IL18RAP: variants seen among roughly 807,000 people sequenced by gnomAD.
IL18RAP encodes interleukin-18 receptor accessory protein.
IL18RAP carries 37 observed loss-of-function variants against 58.1 expected under a neutral mutation model. The observed-to-expected ratio is 0.64, with a 90% CI of 0.49 to 0.84. IL18RAP has a LOEUF of 0.84. Among genes scored for constraint, IL18RAP ranks in the 40% least tolerant of loss-of-function variants. IL18RAP has a pLI of 0.00. For missense variants in IL18RAP, 667 were observed against 704.8 expected (o/e 0.95, Z 0.61); for synonymous variants, 268 against 257.5 (o/e 1.04, Z -0.39).
rs1321453366 is a variant in IL18RAP at position 102,447,170 on chromosome 2, G to C, written c.1173G>C (p.Leu391=). ...GGCACTGGATTGAAATAGTGCTGCT[G>C]TACCGGACCTACCAGAGCAAGGATC... The part of the protein sequence containing the change: ...LYRHWIEIVL[L]YRTYQSKDQT... The change falls in exon 8 of 10, where the codon CTG becomes CTC. Residue 391 remains leucine (L), a synonymous_variant. Coordinates refer to ENST00000687160, the MANE Select transcript of IL18RAP (RefSeq NM_001393487.1). 6.2e-7 allele frequency: 1 copy of C among 1,614,152 alleles called. No individual in the cohort carries two copies. Among genetic ancestry groups the C allele is most frequent in the African/African-American group, 1.3e-5 (1 of 75,050 alleles).
chr2:102,448,290 C>T (rs1386129629), intron 8 of IL18RAP, among the ~76,000 whole-genome samples: 1 of 152,180 alleles, frequency 6.6e-6, no homozygotes, highest in East Asian at 1.9e-4. Flanking sequence ...CTCAGTTAGC[C>T]TCATCTGTAA....
chr2:102,443,732 T>G (rs1683246942), intron 6 of IL18RAP, among the ~76,000 whole-genome samples: 1 of 151,950 alleles, frequency 6.6e-6, no homozygotes, highest in East Asian at 1.9e-4. Flanking sequence ...CCAGGGGAAA[T>G]GGCATCATAA....
At chr2:102,444,913 T>C (rs975241292) in intron 6 of IL18RAP, among the ~76,000 whole-genome samples, 2 of 152,188 alleles carry the variant, frequency 1.3e-5, no homozygotes, top group Non-Finnish European at 2.9e-5. Flanking sequence ...TCTTAAGGTA[T>C]TGTTATTATC....
At chr2:102,426,000 C>A (rs748267743) in intron 3 of IL18RAP, among the ~76,000 whole-genome samples, 1 of 152,078 alleles carries the variant, frequency 6.6e-6, no homozygotes, top group Non-Finnish European at 1.5e-5. Flanking sequence ...GAAAATTGTA[C>A]CTCTGATACA....
chr2:102,428,495 C>T (rs180855144), intron 3 of IL18RAP, among the ~76,000 whole-genome samples: 1 of 150,880 alleles, frequency 6.6e-6, no homozygotes, highest in Non-Finnish European at 1.5e-5. Context: ...ACTTAATTTC[C>T]TTTTCTGCAG....
At position 102,443,218 on chromosome 2, in the gene IL18RAP, G is replaced by C. The variant is rs778959766; in HGVS notation, c.815G>C (p.Ser272Thr). Residue 272 changes from serine (S) to threonine (T), a missense_variant, in exon 6 of 10, where the codon AGC (serine) becomes ACC (threonine). Transcript: ENST00000687160. ...EVELGKPLTI[S>T]CKARFGFERV... ...TTTTCAGGAAAGCCTTTAACTATTA[G>C]CTGCAAAGCACGATTTGGCTTTGAA... 6.2e-7 allele frequency: 1 copy of C among 1,612,704 alleles called. No homozygotes were observed. Among genetic ancestry groups the C allele is most frequent in the South Asian group, 1.1e-5 (1 of 90,948 alleles).
At position 102,423,909 on chromosome 2, in the gene IL18RAP, T is replaced by C; in HGVS notation, c.169T>C (p.Cys57Arg). ...ACCAGAGCCACAGAAATCACATTTC[T>C]GCCACAGAAATCGACTCTCACCAAA... ...DLPEPQKSHFCHRNRLSPKQV... is the reference protein window; with the variant it reads ...DLPEPQKSHFRHRNRLSPKQV... Residue 57 changes from cysteine (C) to arginine (R), a missense_variant, in exon 2 of 10, where the codon TGC becomes CGC. Cys to Arg is a radical substitution (Grantham distance 180, BLOSUM62 -3). Coordinates refer to ENST00000687160, the MANE Select transcript of IL18RAP (RefSeq NM_001393487.1). The C allele has an allele frequency of 6.2e-7, 1 of 1,614,014 alleles. No homozygotes were observed. The highest frequency in any genetic ancestry group is 1.7e-5 in the Admixed American group (1 of 59,986).
At chr2:102,423,485 A>T in intron 1 of IL18RAP, 138 bp downstream of exon 1, 1 of 803,412 alleles carries the variant, frequency 1.2e-6, no homozygotes, top group Non-Finnish European at 2.1e-6. Context: ...TGAGAGGAGA[A>T]TTATTAGGGT....
chr2:102,434,633 A>G (rs1372225957), intron 3 of IL18RAP: 1 of 152,208 alleles, frequency 6.6e-6, no homozygotes, highest in African/African-American at 2.4e-5. Context: ...CCATTCATCC[A>G]CAACGCAAGG....
At chr2:102,451,664 CAT>C in intron 9 of IL18RAP, 100 bp from the exon 10 acceptor site, 1 of 947,020 alleles carries the variant, frequency 1.1e-6, no homozygotes, top group Non-Finnish European at 1.6e-6. Context: ...GTAGAGTAAA[CAT>C]GTCTCCCTTC....
At chr2:102,444,493 T>A (rs1683296182) in intron 6 of IL18RAP, among the ~76,000 whole-genome samples, 1 of 152,186 alleles carries the variant, frequency 6.6e-6, no homozygotes, top group Non-Finnish European at 1.5e-5. Context: ...TCACAATGTG[T>A]GACAGGTAGG....
chr2:102,445,248 C>A lies in IL18RAP; in HGVS notation c.980C>A (p.Thr327Asn). 1 of 1,614,060 alleles carries A rather than the reference C, an allele frequency of 6.2e-7. No individual in the cohort carries two copies. Residue 327 changes from threonine (T) to asparagine (N), a missense_variant, in exon 7 of 10, where the codon ACT becomes AAT. Coordinates refer to ENST00000687160, the MANE Select transcript of IL18RAP (RefSeq NM_001393487.1). The part of the protein sequence containing the change: ...IERNIILEKV[T>N]QRDLRRKFVC... ...CGTAATATCATCTTGGAAAAAGTCA[C>A]TCAGCGTGATCTTCGCAGGAAGTTT...
In IL18RAP at chr2:102,452,507, G is replaced by C. The variant is rs1683835229; in HGVS notation, c.*326G>C. 1 of 273,004 alleles carries C rather than the reference G, an allele frequency of 3.7e-6. No homozygotes were observed. Among genetic ancestry groups the C allele is most frequent in the Non-Finnish European group, 6.8e-6 (1 of 146,102 alleles). The allele number at this position is 273,004 out of a possible 1,614,324, so 16.9% of individuals were successfully genotyped here. ...GCTAGGGAACTGTCATGTCTACCAT[G>C]TATTGTACATATGACTTTATGTATA... On this transcript the variant is annotated 3_prime_UTR_variant, in exon 10 of 10. Transcript: ENST00000687160.
upstream of IL18RAP, among the ~76,000 whole-genome samples, chr2:102,420,633 G>C (rs913510985): frequency 4.6e-5 from 7 of 152,154 alleles, no homozygotes; most frequent in Non-Finnish European, 1.0e-4. Context: ...TGGTAGAGCT[G>C]GGAGGATCTT....
Position 102,451,888 on chromosome 2 carries a change from G to C in IL18RAP, c.1507G>C (p.Asp503His), listed in dbSNP as rs766290982. ...ACAAGCAGCAGTGAATCTTGCCTTG[G>C]ATGATCAAACACTGAAACTCATTTT... Reference protein sequence around the residue: ...ELQAAVNLALDDQTLKLILIK... With the variant: ...ELQAAVNLALHDQTLKLILIK... Residue 503 changes from aspartate (D) to histidine (H), a missense_variant, in exon 10 of 10, where the codon GAT (aspartate) becomes CAT (histidine). By Grantham distance (81) the Asp-to-His change is moderately conservative (BLOSUM62 -1). Coordinates refer to ENST00000687160, the MANE Select transcript of IL18RAP (RefSeq NM_001393487.1). 1 of 1,614,168 alleles carries C rather than the reference G, an allele frequency of 6.2e-7. No homozygotes were observed. The highest frequency in any genetic ancestry group is 1.1e-5 in the South Asian group (1 of 91,076).
In IL18RAP at chr2:102,437,238, G is replaced by C; in HGVS notation, c.606G>C (p.Arg202Ser). ...ATGGAAAACTCCTCTCTGTGGAAAG[G>C]AGCAACCGAATCGTAGTGGATGAAG... ...YKNGKLLSVERSNRIVVDEVY... is the reference protein window; with the variant it reads ...YKNGKLLSVESSNRIVVDEVY... The change falls in exon 4 of 10, where the codon AGG becomes AGC. Residue 202 changes from arginine (R) to serine (S), a missense_variant. Physicochemically the swap from Arg to Ser is moderately radical, Grantham distance 110. Transcript: ENST00000687160. The C allele has an allele frequency of 6.2e-7, 1 of 1,612,106 alleles. No individual in the cohort carries two copies. Among genetic ancestry groups the C allele is most frequent in the East Asian group, 2.2e-5 (1 of 44,812 alleles).
intron 8 of IL18RAP, among the ~76,000 whole-genome samples, chr2:102,447,726 G>GTATTTATTTATT (rs1553407355): frequency 6.7e-6 from 1 of 149,752 alleles, no homozygotes; most frequent in African/African-American, 2.5e-5. Context: ...ATGTATGTAT[G>GTATTTATTTATT]TATTTATTTA....
upstream of IL18RAP, among the ~76,000 whole-genome samples, chr2:102,422,815 T>C (rs919641508): frequency 1.3e-5 from 2 of 152,162 alleles, no homozygotes; most frequent in Admixed American, 1.3e-4. Context: ...TTCCTAACCG[T>C]GAAAAATCTG....
intron 3 of IL18RAP, among the ~76,000 whole-genome samples, chr2:102,429,717 T>A (rs762591708): frequency 6.6e-6 from 1 of 152,040 alleles, no homozygotes; most frequent in Non-Finnish European, 1.5e-5. Context: ...TGCTATAAAT[T>A]TCCCTCAGGA....
Sources: gnomAD v4.1 joint callset for allele counts (sites outside exome capture counted in the v4.1 genomes callset) on GRCh38, gnomAD v4.1.1 for gene constraint, MANE v1.5 for transcripts, NCBI Gene and HGNC (gene_info 2026-07-23, HGNC 2026-07-21) for gene names.